Variants in HOXC9 observed in about 807,000 individuals in gnomAD.
HOXC9 encodes homeobox C9.
A neutral mutation model predicts 20.0 loss-of-function variants in HOXC9; 10 were observed. That is an observed-to-expected ratio of 0.50 (90% CI 0.31 to 0.85). HOXC9 has a LOEUF of 0.85. Among genes scored for constraint, HOXC9 ranks in the 40% least tolerant of loss-of-function variants. HOXC9 has a pLI of 0.05. For synonymous variants in HOXC9, 200 were observed against 163.7 expected (o/e 1.22, Z -1.69); for missense variants, 394 against 376.7 (o/e 1.05, Z -0.38).
At position 54,002,896 on chromosome 12, in the gene HOXC9, C is replaced by T. The variant is rs916286714; in HGVS notation, c.*222C>T. The T allele has an allele frequency of 2.1e-5, 9 of 418,748 alleles. No individual in the cohort carries two copies. Among genetic ancestry groups the T allele is most frequent in the Non-Finnish European group, 3.7e-5 (9 of 242,202 alleles). The allele number at this position is 418,748 out of a possible 1,614,324, so 25.9% of individuals were successfully genotyped here. On this transcript the variant is annotated 3_prime_UTR_variant, in exon 2 of 2. Coordinates refer to ENST00000303450, the MANE Select transcript of HOXC9 (RefSeq NM_006897.3). ...GTGTTTTAGAGTTAGTTCTACCCAG[C>T]GAGGAGGAGGCGGGGAGAGAAACTG...
chr12:54,001,825 G>A (rs1283890288), intron 1 of HOXC9, among the ~76,000 whole-genome samples: 1 of 152,138 alleles, frequency 6.6e-6, no homozygotes, highest in African/African-American at 2.4e-5. Context: ...AAGATATAGG[G>A]GAGCCTGTCC....
At position 54,000,328 on chromosome 12, in the gene HOXC9, G is replaced by C. The variant is rs1939700093; in HGVS notation, c.140G>C (p.Cys47Ser). ...AGACCCAGCGGTTTGGTGCCGGACTGTAGCGATTTTCCGTCCTGTAGCTTC... is the reference window on the plus strand; with the variant it reads ...AGACCCAGCGGTTTGGTGCCGGACTCTAGCGATTTTCCGTCCTGTAGCTTC... ...AARPSGLVPD[C>S]SDFPSCSFAP... is the part of the protein sequence containing the mutation. The change falls in exon 1 of 2, where the codon TGT becomes TCT. Residue 47 changes from cysteine (C) to serine (S), a missense_variant. By Grantham distance (112) the Cys-to-Ser change is moderately radical. Coordinates refer to ENST00000303450, the MANE Select transcript of HOXC9 (RefSeq NM_006897.3). 1 of 1,614,116 alleles carries C rather than the reference G, an allele frequency of 6.2e-7. No individual in the cohort carries two copies. The highest frequency in any genetic ancestry group is 8.5e-7 in the Non-Finnish European group (1 of 1,180,046).
Position 54,002,438 on chromosome 12 carries a change from G to A in HOXC9, c.547G>A (p.Val183Met), listed in dbSNP as rs767515230. 1.5e-5 allele frequency: 25 copies of A among 1,613,474 alleles called. No individual in the cohort carries two copies. The highest frequency in any genetic ancestry group is 1.7e-4 in the Middle Eastern group (1 of 5,986). ...TGTGTTTGGCCCTCCAGGCAACCCC[G>A]TGGCCAACTGGATTCACGCCCGCTC... ...EKADLDPSNP[V>M]ANWIHARSTR... Residue 183 changes from valine (V) to methionine (M), a missense_variant, in exon 2 of 2, where the codon GTG (valine) becomes ATG (methionine). Val to Met is a conservative substitution (Grantham distance 21). Transcript: ENST00000303450.
rs561650371 is a variant in HOXC9, at chr12:54,002,171, T to C, written c.539-259T>C. Among the ~76,000 whole-genome samples, 3 of 152,238 alleles carry C rather than the reference T, an allele frequency of 2.0e-5. No homozygotes were observed. In the East Asian group the frequency reaches 5.8e-4, roughly 29 times the overall value. On this transcript the variant is annotated intron_variant, in intron 1 of 1. Transcript: ENST00000303450. ...GAGGATATTCTCAAATTACTACTCT[T>C]GAAGCTGAGGACCAGACTAGAGGGG...
At position 54,000,517 on chromosome 12, in the gene HOXC9, C is replaced by T. The variant is rs777347462; in HGVS notation, c.329C>T (p.Pro110Leu). 2.5e-6 allele frequency: 4 copies of T among 1,591,444 alleles called. No homozygotes were observed. Among genetic ancestry groups the T allele is most frequent in the African/African-American group, 2.7e-5 (2 of 74,662 alleles). Residue 110 changes from proline (P) to leucine (L), a missense_variant, in exon 1 of 2, where the codon CCG becomes CTG. By Grantham distance (98) the Pro-to-Leu change is moderately conservative (BLOSUM62 -3). Coordinates refer to ENST00000303450, the MANE Select transcript of HOXC9 (RefSeq NM_006897.3). The part of the protein sequence containing the change: ...LSGAVSFPSF[P>L]AGGRHYALKP... The stretch of plus-strand genomic sequence containing the variant: ...GGCGCCGTCTCCTTCCCCAGCTTCC[C>T]GGCCGGGGGCCGTCACTACGCCCTC...
At chr12:54,000,763 G>T in intron 1 of HOXC9, 37 bp downstream of exon 1, 1 of 1,445,058 alleles carries the variant, frequency 6.9e-7, no homozygotes, top group African/African-American at 1.5e-5. Flanking sequence ...AACCGGCGCG[G>T]GAGGGGAGGG....
chr12:54,002,277 A>G (rs1939763280), intron 1 of HOXC9, among the ~76,000 whole-genome samples, 153 bp from the exon 2 acceptor site: 1 of 152,164 alleles, frequency 6.6e-6, no homozygotes, highest in South Asian at 2.1e-4. Context: ...AGAATGCAAA[A>G]CGAGGAAGGA....
intron 1 of HOXC9, among the ~76,000 whole-genome samples, chr12:54,001,839 A>C (rs1939751669): frequency 6.6e-6 from 1 of 152,160 alleles, no homozygotes; most frequent in South Asian, 2.1e-4. Context: ...CCTGTCCCCA[A>C]GGCCAGCGGC....
rs1003192865 is a variant in HOXC9 at position 54,003,236 on chromosome 12, C to G, written c.*562C>G. ...CCTTGGGCTGTACATAGTGTTCCCT[C>G]TCATCCCCAGGGTTCGTCCCCAGCG... On this transcript the variant is annotated 3_prime_UTR_variant, in exon 2 of 2. Transcript: ENST00000303450. 6.5e-6 allele frequency: 1 copy of G among 152,678 alleles called. No homozygotes were observed. The highest frequency in any genetic ancestry group is 1.5e-5 in the Non-Finnish European group (1 of 68,400). 9.5% of individuals were successfully genotyped at this position (152,678 alleles called of 1,614,324 possible).
At position 54,000,197 on chromosome 12, in the gene HOXC9, G is replaced by A. The variant is rs751894180; in HGVS notation, c.9G>A (p.Ala3=). MS[A]TGPISNYYVD... is the part of the protein sequence containing the mutation. The stretch of plus-strand genomic sequence containing the variant: ...TGTAAAACCCCGTTACGATGTCGGC[G>A]ACGGGGCCCATCAGTAACTATTACG... Residue 3 remains alanine, a synonymous_variant, in exon 1 of 2, where the codon GCG becomes GCA. Transcript: ENST00000303450. 7 of 1,613,944 alleles carry A rather than the reference G, an allele frequency of 4.3e-6. No individual in the cohort carries two copies. The South Asian group carries it at 5.5e-5, about 13-fold the overall frequency.
intron 1 of HOXC9, among the ~76,000 whole-genome samples, chr12:54,001,635 G>C (rs1249991857): frequency 6.6e-6 from 1 of 152,062 alleles, no homozygotes; most frequent in Non-Finnish European, 1.5e-5. Flanking sequence ...GTCCCAGGAG[G>C]GGGCTGCAGG....
At position 54,000,181 on chromosome 12, in the gene HOXC9, C is replaced by G. The variant is rs758595938; in HGVS notation, c.-8C>G. The G allele has an allele frequency of 6.2e-7, 1 of 1,613,578 alleles. No homozygotes were observed. Among genetic ancestry groups the G allele is most frequent in the East Asian group, 2.2e-5 (1 of 44,876 alleles). On this transcript the variant is annotated 5_prime_UTR_variant, in exon 1 of 2. Coordinates refer to ENST00000303450, the MANE Select transcript of HOXC9 (RefSeq NM_006897.3). Reference sequence around the variant, plus strand: ...ACAATAATCTTATGTATGTAAAACCCCGTTACGATGTCGGCGACGGGGCCC... The same window carrying G: ...ACAATAATCTTATGTATGTAAAACCGCGTTACGATGTCGGCGACGGGGCCC...
At chr12:54,002,297 C>T in intron 1 of HOXC9, 133 bp from the exon 2 acceptor site, 1 of 1,193,546 alleles carries the variant, frequency 8.4e-7, no homozygotes, top group Non-Finnish European at 1.2e-6. Context: ...AGGAAAATTC[C>T]TAAAGCAAAA....
At position 54,000,280 on chromosome 12, in the gene HOXC9, C is replaced by T; in HGVS notation, c.92C>T (p.Thr31Ile). The T allele has an allele frequency of 6.2e-7, 1 of 1,614,182 alleles. No homozygotes were observed. Among genetic ancestry groups the T allele is most frequent in the Non-Finnish European group, 8.5e-7 (1 of 1,180,044 alleles). ...EDLLASRFPA[T>I]GAHPAAARPS... ...CTCCTAGCGTCCAGGTTTCCGGCCA[C>T]CGGGGCTCATCCCGCCGCCGCCAGA... The change falls in exon 1 of 2, where the codon ACC (threonine) becomes ATC (isoleucine). Residue 31 changes from threonine to isoleucine, a missense_variant. Physicochemically the swap from Thr to Ile is moderately conservative, Grantham distance 89. Transcript: ENST00000303450.
chr12:54,000,424 C>T lies in HOXC9; in HGVS notation c.236C>T (p.Pro79Leu). ...VPSQSSVVYH[P>L]YGPQPHLGAD... ...TCTCAGTCGTCCGTGGTATATCACC[C>T]GTACGGCCCCCAGCCCCACCTCGGC... Residue 79 changes from proline (P) to leucine (L), a missense_variant, in exon 1 of 2, where the codon CCG becomes CTG. Coordinates refer to ENST00000303450, the MANE Select transcript of HOXC9 (RefSeq NM_006897.3). The T allele has an allele frequency of 1.9e-6, 3 of 1,609,864 alleles. No homozygotes were observed. The highest frequency in any genetic ancestry group is 1.7e-6 in the Non-Finnish European group (2 of 1,179,912).
chr12:54,000,756 C>T (rs552976741), intron 1 of HOXC9, 30 bp downstream of exon 1: 3 of 1,471,108 alleles, frequency 2.0e-6, no homozygotes, highest in Admixed American at 2.5e-5. Context: ...CCTTTACAAC[C>T]GGCGCGGGAG....
At chr12:54,001,225 C>G (rs1166401949) in intron 1 of HOXC9, among the ~76,000 whole-genome samples, 1 of 152,026 alleles carries the variant, frequency 6.6e-6, no homozygotes, top group African/African-American at 2.4e-5. Context: ...ATGGACTTCT[C>G]CCCCAGGAGC....
intron 1 of HOXC9, 28 bp from the exon 2 acceptor site, chr12:54,002,402 T>A (rs1454152717): frequency 3.7e-6 from 6 of 1,607,928 alleles, no homozygotes; most frequent in Non-Finnish European, 5.1e-6. Flanking sequence ...GGGGCTCCAC[T>A]GACCCCTGCT....
chr12:54,000,501 T>C lies in HOXC9; in HGVS notation c.313T>C (p.Ser105Pro). The change falls in exon 1 of 2, where the codon TCC (serine) becomes CCC (proline). Residue 105 changes from serine to proline, a missense_variant. Transcript: ENST00000303450. ...TWLEPLSGAV[S>P]FPSFPAGGRH... ...GCTCGAGCCGCTGTCCGGCGCCGTC[T>C]CCTTCCCCAGCTTCCCGGCCGGGGG... 6.3e-7 allele frequency: 1 copy of C among 1,598,526 alleles called. No individual in the cohort carries two copies. Among genetic ancestry groups the C allele is most frequent in the Non-Finnish European group, 8.5e-7 (1 of 1,178,868 alleles).
Sources: allele counts gnomAD v4.1 joint callset (sites outside exome capture counted in the v4.1 genomes callset), GRCh38; gene constraint gnomAD v4.1.1; transcripts MANE v1.5; gene names NCBI Gene and HGNC (gene_info 2026-07-23, HGNC 2026-07-21).